Variants in RHD observed in about 807,000 individuals in gnomAD.
RHD encodes the protein Rh blood group D antigen.
RHD carries 16 observed loss-of-function variants against 45.5 expected under a neutral mutation model. That is an observed-to-expected ratio of 0.35 (90% CI 0.24 to 0.53). RHD has a LOEUF of 0.53. RHD is among the 20% of genes least tolerant of loss of function. The probability of loss-of-function intolerance (pLI) is 0.92; values close to 1 mark genes in which losing one functional copy is unlikely to be tolerated. For synonymous variants in RHD, 131 were observed against 217.5 expected, an observed-to-expected ratio of 0.60 and a Z score of 3.50; for missense variants, 306 against 532.0, an observed-to-expected ratio of 0.58 and a Z score of 4.18.
chr1:25,285,686 C>T (rs1452533366), intron 2 of RHD, among the ~76,000 whole-genome samples: 1 of 135,220 alleles, frequency 7.4e-6, no homozygotes, highest in Non-Finnish European at 1.8e-5. Context: ...CTATGTTCAC[C>T]TGGGTGATGA....
rs1642313755 is a variant in RHD, at chr1:25,289,475, A to G, written c.336-1166A>G. ...CTCCCAAAGTGCTGGGAGTACAGGC[A>G]TGAGCCACTGCACCCAGCCTTATAG... On this transcript the variant is annotated intron_variant, in intron 2 of 9. Transcript: ENST00000328664. 2.3e-5 allele frequency among the ~76,000 whole-genome samples: 3 copies of G among 132,696 alleles called. 1 individual carries two copies. Among genetic ancestry groups the G allele is most frequent in the Admixed American group, 2.2e-4 (3 of 13,636 alleles). 87.1% of individuals were successfully genotyped at this position (132,696 alleles called of 152,430 possible).
chr1:25,279,105 G>C (rs1452881456), intron 1 of RHD, among the ~76,000 whole-genome samples: 1 of 127,974 alleles, frequency 7.8e-6, no homozygotes, highest in Non-Finnish European at 1.8e-5. Flanking sequence ...AGCTGCCCAA[G>C]GGGATGGACT....
Position 25,320,355 on chromosome 1 carries a change from A to G in RHD, c.1154-1534A>G, listed in dbSNP as rs1352577589. On this transcript the variant is annotated intron_variant, in intron 8 of 9. Transcript: ENST00000328664. ...TTCTGATTTTTTTTAAAAAAAGTCT[A>G]AATATGTTTAATGTTGTCTCAGAAG... Among the ~76,000 whole-genome samples, 9 of 132,116 alleles carry G rather than the reference A, an allele frequency of 6.8e-5. 4 individuals are homozygous for G. 86.7% of individuals were successfully genotyped at this position (132,116 alleles called of 152,430 possible).
chr1:25,286,294 GC>G (rs1473859868), intron 2 of RHD, among the ~76,000 whole-genome samples: 1 of 135,464 alleles, frequency 7.4e-6, no homozygotes, highest in African/African-American at 2.5e-5. Context: ...TTTAAGACCA[GC>G]CTGACTAACA....
Position 25,298,666 on chromosome 1 carries a change from T to C in RHD, c.487-2280T>C, listed in dbSNP as rs1557537326. Among the ~76,000 whole-genome samples the C allele has an allele frequency of 1.5e-5, 2 of 132,134 alleles. 1 individual carries two copies. The highest frequency in any genetic ancestry group is 3.6e-5 in the Non-Finnish European group (2 of 56,016). The allele number at this position is 132,134 out of a possible 152,430, so 86.7% of individuals were successfully genotyped here. ...TCTTTATGTATGACTGAGGGCTTTTTACCATCATTTGTTCCCTTCACAAAT... is the reference window on the plus strand; with the variant it reads ...TCTTTATGTATGACTGAGGGCTTTTCACCATCATTTGTTCCCTTCACAAAT... On this transcript the variant is annotated intron_variant, in intron 3 of 9. Transcript: ENST00000328664.
Position 25,303,832 on chromosome 1 carries a change from C to T in RHD, c.939+373C>T, listed in dbSNP as rs1643588789. 1.5e-5 allele frequency among the ~76,000 whole-genome samples: 2 copies of T among 129,614 alleles called. 1 individual carries two copies. The highest frequency in any genetic ancestry group is 1.5e-4 in the Admixed American group (2 of 13,408). The allele number at this position is 129,614 out of a possible 152,430, so 85.0% of individuals were successfully genotyped here. A position where few individuals can be genotyped will look rare whatever the true frequency, so the allele number is the denominator to read the frequency against. On this transcript the variant is annotated intron_variant, in intron 6 of 9. Transcript: ENST00000328664. ...TTACTCTATAGACATGCTTCCTCCT[C>T]TTTCACCCCACATTGTGGGGTGTAG...
In RHD at chr1:25,290,724, TG is replaced by T. The variant is rs755478959; in HGVS notation, c.421del (p.Val141Ter). The T allele has an allele frequency of 1.5e-6, 2 of 1,377,072 alleles. 1 individual carries two copies. 85.3% of individuals were successfully genotyped at this position (1,377,072 alleles called of 1,614,324 possible). On this transcript the variant is annotated frameshift_variant, in exon 3 of 10. Coordinates refer to ENST00000328664, the MANE Select transcript of RHD (RefSeq NM_016124.6). LOFTEE classifies it high-confidence loss of function. ...GGGAAGGTCAACTTGGCGCAGTTGG[TG>T]GTGATGGTGCTGGTGGAGGTGACAG... Reference protein sequence around the residue: ...VLGKVNLAQLVVMVLVEVTAL... With the variant: ...VLGKVNLAQLXVMVLVEVTAL...
Position 25,306,248 on chromosome 1 carries a change from C to T in RHD, c.940-348C>T, listed in dbSNP as rs1416615818. Among the ~76,000 whole-genome samples the T allele has an allele frequency of 5.3e-5, 7 of 131,696 alleles. 1 individual carries two copies. The highest frequency in any genetic ancestry group is 1.8e-4 in the African/African-American group (7 of 38,164). 86.4% of individuals were successfully genotyped at this position (131,696 alleles called of 152,430 possible). ...GGATGCTGCTTAACATCCTACAGTA[C>T]ACAGGGCAGCCCCCACCACAAGGAA... is the stretch of plus-strand genomic sequence containing the variant. On this transcript the variant is annotated intron_variant, in intron 6 of 9. Transcript: ENST00000328664.
chr1:25,318,859 T>C (rs1041658483), intron 8 of RHD, among the ~76,000 whole-genome samples: 1 of 132,424 alleles, frequency 7.6e-6, no homozygotes, highest in Non-Finnish European at 1.8e-5. Context: ...ATGGAGGTAC[T>C]TTTTGGAGTT....
Position 25,307,907 on chromosome 1 carries a change from C to CT in RHD, c.1073+1180dup, listed in dbSNP as rs1643936876. 2 of 1,019,818 alleles carry CT rather than the reference C, an allele frequency of 2.0e-6. 1 individual carries two copies. Among genetic ancestry groups the CT allele is most frequent in the African/African-American group, 3.2e-5 (2 of 63,368 alleles). The allele number at this position is 1,019,818 out of a possible 1,614,324, so 63.2% of individuals were successfully genotyped here. A position where few individuals can be genotyped will look rare whatever the true frequency, so the allele number is the denominator to read the frequency against. On this transcript the variant is annotated intron_variant, in intron 7 of 9. Coordinates refer to ENST00000328664, the MANE Select transcript of RHD (RefSeq NM_016124.6). ...GTTCCAGTGATGTGTCTGCCACTGT[C>CT]TTAATAACTGTGCAATTCTAAGCAG...
At chr1:25,296,583 C>A (rs1197364653) in intron 3 of RHD, among the ~76,000 whole-genome samples, 1 of 130,428 alleles carries the variant, frequency 7.7e-6, no homozygotes, top group Admixed American at 7.4e-5. Flanking sequence ...TCTGTATCCC[C>A]CTCCAATCTC....
intron 6 of RHD, among the ~76,000 whole-genome samples, chr1:25,303,815 T>C (rs1241637805): frequency 1.5e-5 from 2 of 130,702 alleles, no homozygotes; most frequent in East Asian, 2.0e-4. Context: ...TCTTACTCTA[T>C]AGACATGCTT....
At chr1:25,321,991 G>A in intron 9 of RHD, 29 bp downstream of exon 9, 1 of 1,072,492 alleles carries the variant, frequency 9.3e-7, no homozygotes. Flanking sequence ...TAACGTGATA[G>A]ATTTTGAGTG....
At chr1:25,299,951 T>C (rs1643258495) in intron 3 of RHD, among the ~76,000 whole-genome samples, 1 of 130,762 alleles carries the variant, frequency 7.6e-6, no homozygotes, top group South Asian at 2.3e-4. Context: ...GGTTTTGCCA[T>C]GTTGGCCAGG....
At chr1:25,291,404 G>A (rs1642494668) in intron 3 of RHD, among the ~76,000 whole-genome samples, 1 of 132,158 alleles carries the variant, frequency 7.6e-6, no homozygotes, top group Non-Finnish European at 1.8e-5. Context: ...GAGAGGTGGA[G>A]GTTGCAGTGA....
At chr1:25,278,099 A>G (rs1480418873) in intron 1 of RHD, among the ~76,000 whole-genome samples, 1 of 129,876 alleles carries the variant, frequency 7.7e-6, no homozygotes, top group Non-Finnish European at 1.8e-5. Context: ...TGTAATGACT[A>G]CTGGTCTGGA....
chr1:25,290,741 G>A lies in RHD; in HGVS notation c.436G>A (p.Glu146Lys). ...GCAGTTGGTGGTGATGGTGCTGGTG[G>A]AGGTGACAGCTTTAGGCAACCTGAG... is the stretch of plus-strand genomic sequence containing the variant. The part of the protein sequence containing the change: ...LAQLVVMVLV[E>K]VTALGNLRMV... Residue 146 changes from glutamate (E) to lysine (K), a missense_variant, in exon 3 of 10, where the codon GAG becomes AAG. By Grantham distance (56) the Glu-to-Lys change is moderately conservative. Coordinates refer to ENST00000328664, the MANE Select transcript of RHD (RefSeq NM_016124.6). 7.3e-7 allele frequency: 1 copy of A among 1,377,926 alleles called. No individual in the cohort carries two copies. The highest frequency in any genetic ancestry group is 1.2e-5 in the South Asian group (1 of 84,670). The allele number at this position is 1,377,926 out of a possible 1,614,324, so 85.4% of individuals were successfully genotyped here.
chr1:25,318,273 T>A (rs1644512214), intron 8 of RHD: 1 of 125,170 alleles, frequency 8.0e-6, no homozygotes. Context: ...AGACTCTGTC[T>A]AAAAAAAAAG....
Position 25,315,113 on chromosome 1 carries a change from G to A in RHD, c.1074-1887G>A, listed in dbSNP as rs1353412814. ...CAGCTACTCGGGAGGCTGAGATCAC[G>A]CCACTGCACTCCAGCCTGGTGACAC... On this transcript the variant is annotated intron_variant, in intron 7 of 9. Transcript: ENST00000328664. 5.4e-5 allele frequency among the ~76,000 whole-genome samples: 7 copies of A among 128,460 alleles called. 1 individual carries two copies. The highest frequency in any genetic ancestry group is 1.5e-4 in the Admixed American group (2 of 13,120). 84.3% of individuals were successfully genotyped at this position (128,460 alleles called of 152,430 possible). A position where few individuals can be genotyped will look rare whatever the true frequency, so the allele number is the denominator to read the frequency against.
Sources: allele counts gnomAD v4.1 joint callset (sites outside exome capture counted in the v4.1 genomes callset), GRCh38; gene constraint gnomAD v4.1.1; transcripts MANE v1.5; gene names NCBI Gene and HGNC (gene_info 2026-07-23, HGNC 2026-07-21).